COL10A1: variants seen among roughly 807,000 people sequenced by gnomAD.
COL10A1 encodes the protein collagen type X alpha 1 chain.
Under a neutral mutation model 18.2 loss-of-function variants are expected in COL10A1, and 10 were observed. That is an observed-to-expected ratio of 0.55 (90% CI 0.34 to 0.93). The LOEUF (loss-of-function observed/expected upper bound fraction) is 0.93. Ranked by LOEUF, COL10A1 falls within the 40% of genes least tolerant of loss-of-function variation. The probability of loss-of-function intolerance (pLI) is 0.02; values close to 1 mark genes in which losing one functional copy is unlikely to be tolerated. For missense variants in COL10A1, 897 were observed against 853.5 expected (o/e 1.05, Z -0.64); for synonymous variants, 330 against 316.6 (o/e 1.04, Z -0.45).
intron 1 of COL10A1, among the ~76,000 whole-genome samples, chr6:116,156,275 C>T (rs537443968): frequency 2.1e-4 from 32 of 152,080 alleles, no homozygotes; most frequent in East Asian, 1.9e-4. Context: ...TCTAATTTTC[C>T]GGCAAAACTA....
At chr6:116,161,824 A>G (rs995820553), upstream of COL10A1, among the ~76,000 whole-genome samples, 2 of 152,222 alleles carry the variant, frequency 1.3e-5, no homozygotes, top group African/African-American at 4.8e-5. Flanking sequence ...TGGGCAGTAT[A>G]GTCATTTTAA....
At chr6:116,149,036 C>G (rs771394861) in intron 1 of COL10A1, among the ~76,000 whole-genome samples, 1 of 151,996 alleles carries the variant, frequency 6.6e-6, no homozygotes, top group Admixed American at 6.6e-5. Flanking sequence ...GATTTTTAGC[C>G]CATTCCATGT....
chr6:116,130,034 G>A (rs1779422397), upstream of COL10A1, among the ~76,000 whole-genome samples: 1 of 152,062 alleles, frequency 6.6e-6, no homozygotes, highest in African/African-American at 2.4e-5. Flanking sequence ...TCTCTTTGGT[G>A]TTACTGGACA....
chr6:116,152,954 AT>A (rs1780086167), intron 1 of COL10A1, among the ~76,000 whole-genome samples: 1 of 152,154 alleles, frequency 6.6e-6, no homozygotes, highest in South Asian at 2.1e-4. Context: ...CTGCTGTCTT[AT>A]TTTTATAGTA....
chr6:116,188,653 A>AT, the COL10A1 span, among the ~76,000 whole-genome samples: 44 of 152,030 alleles, frequency 2.9e-4, no homozygotes, highest in African/African-American at 9.6e-4. Flanking sequence ...GAGGATAGCA[A>AT]TTACCTTTCA....
chr6:116,202,457 A>G, the COL10A1 span, among the ~76,000 whole-genome samples: 71 of 151,964 alleles, frequency 4.7e-4, no homozygotes, highest in Non-Finnish European at 8.5e-4. Flanking sequence ...ATGATCCCAT[A>G]TGTTCTTGAT....
the COL10A1 span, among the ~76,000 whole-genome samples, chr6:116,172,086 C>T: frequency 6.6e-6 from 1 of 152,122 alleles, no homozygotes. Context: ...GTGTTTTTTC[C>T]ATCTGTAAGT....
At chr6:116,185,703 T>C in the COL10A1 span, among the ~76,000 whole-genome samples, 1 of 152,254 alleles carries the variant, frequency 6.6e-6, no homozygotes, top group African/African-American at 2.4e-5. Context: ...GCTTTTGGTA[T>C]ACATTTGCAT....
At chr6:116,154,944 C>G (rs1429414271) in intron 1 of COL10A1, among the ~76,000 whole-genome samples, 1 of 152,060 alleles carries the variant, frequency 6.6e-6, no homozygotes, top group East Asian at 1.9e-4. Flanking sequence ...AAAAAACAAA[C>G]CATAAATAAC....
chr6:116,198,860 TC>T, the COL10A1 span, among the ~76,000 whole-genome samples: 3 of 152,022 alleles, frequency 2.0e-5, no homozygotes, highest in African/African-American at 7.2e-5. Flanking sequence ...GACAGAGTCT[TC>T]CATGGTGATC....
the COL10A1 span, among the ~76,000 whole-genome samples, chr6:116,182,114 T>C: frequency 6.6e-6 from 1 of 152,040 alleles, no homozygotes; most frequent in African/African-American, 2.4e-5. Context: ...AGTGAGAACA[T>C]TGGTTTTCCA....
At chr6:116,127,441 A>G (rs1231081026), upstream of COL10A1, among the ~76,000 whole-genome samples, 1 of 152,190 alleles carries the variant, frequency 6.6e-6, no homozygotes, top group Non-Finnish European at 1.5e-5. Flanking sequence ...TCATAGATAC[A>G]TATAAAATAT....
At chr6:116,205,126 C>T in the COL10A1 span, among the ~76,000 whole-genome samples, 64 of 151,978 alleles carry the variant, frequency 4.2e-4, no homozygotes, top group Non-Finnish European at 6.6e-4. Flanking sequence ...CTGGTTAGGC[C>T]GGTAAAACCC....
intron 1 of COL10A1, among the ~76,000 whole-genome samples, chr6:116,140,282 C>T (rs1207225581): frequency 1.3e-5 from 2 of 152,116 alleles, no homozygotes; most frequent in African/African-American, 2.4e-5. Context: ...GCTGAAATGC[C>T]GTGGTAGCAG....
the COL10A1 span, among the ~76,000 whole-genome samples, chr6:116,200,099 C>G: frequency 6.6e-6 from 1 of 151,900 alleles, no homozygotes; most frequent in South Asian, 2.1e-4. Context: ...TAGTATATAC[C>G]CTTAATATAA....
Position 116,119,886 on chromosome 6 carries a change from T to C in COL10A1, c.*187A>G. On this transcript the variant is annotated 3_prime_UTR_variant, in exon 3 of 3. Coordinates refer to ENST00000651968, the MANE Select transcript of COL10A1 (RefSeq NM_000493.4). ...GCTAACTAGAAATTCAAGAGAGGCTTCACATACGTTTTTACGTTGCTGCTC... is the reference window on the plus strand; with the variant it reads ...GCTAACTAGAAATTCAAGAGAGGCTCCACATACGTTTTTACGTTGCTGCTC... 1.6e-6 allele frequency: 1 copy of C among 611,358 alleles called. No homozygotes were observed. Among genetic ancestry groups the C allele is most frequent in the Non-Finnish European group, 2.9e-6 (1 of 347,982 alleles). The allele number at this position is 611,358 out of a possible 1,614,324, so 37.9% of individuals were successfully genotyped here. A position where few individuals can be genotyped will look rare whatever the true frequency, so the allele number is the denominator to read the frequency against.
rs141558247 is a variant in COL10A1, at chr6:116,144,271, G to A, written c.-16+14343C>T. 8.7e-3 allele frequency among the ~76,000 whole-genome samples: 1,317 copies of A among 152,254 alleles called. 18 individuals are homozygous for A. Among genetic ancestry groups the A allele is most frequent in the South Asian group, 0.045 (216 of 4,820 alleles). ...GTATCCCAGCACTTTGGGAGGCCGA[G>A]GCGGGCGGATCATGAAGTCAGGAGA... is the stretch of plus-strand genomic sequence containing the variant. On this transcript the variant is annotated intron_variant, in intron 1 of 1. Transcript: ENST00000418500.
chr6:116,170,338 G>A, the COL10A1 span, among the ~76,000 whole-genome samples: 1 of 152,086 alleles, frequency 6.6e-6, no homozygotes, highest in East Asian at 1.9e-4. Context: ...AGGGTTCATA[G>A]AGTACAGACT....
At chr6:116,136,420 A>G (rs1264031101) in intron 1 of COL10A1, among the ~76,000 whole-genome samples, 1 of 151,812 alleles carries the variant, frequency 6.6e-6, no homozygotes, top group South Asian at 2.1e-4. Flanking sequence ...AATTCTAAAA[A>G]CCATTCTTAG....
Sources: gnomAD v4.1 joint callset for allele counts (sites outside exome capture counted in the v4.1 genomes callset) on GRCh38, gnomAD v4.1.1 for gene constraint, MANE v1.5 for transcripts, NCBI Gene and HGNC (gene_info 2026-07-23, HGNC 2026-07-21) for gene names.